PHF3: variants seen among roughly 807,000 people sequenced by gnomAD.
PHF3 encodes the protein PHD finger protein 3.
A neutral mutation model predicts 178.4 loss-of-function variants in PHF3; 41 were observed. That is an observed-to-expected ratio of 0.23 (90% CI 0.18 to 0.30). PHF3 has a LOEUF of 0.30. Ranked by LOEUF, PHF3 falls within the 10% of genes least tolerant of loss-of-function variation. The pLI, the probability that PHF3 is intolerant of heterozygous loss-of-function variation, is 1.00. For synonymous variants in PHF3, 842 were observed against 800.5 expected (o/e 1.05, Z -0.88); for missense variants, 2,346 against 2,398.1 (o/e 0.98, Z 0.45).
Position 63,716,514 on chromosome 6 carries a change from TC to T in PHF3, c.*2807del, listed in dbSNP as rs1377450163. 6.6e-6 allele frequency among the ~76,000 whole-genome samples: 1 copy of T among 152,122 alleles called. No individual in the cohort carries two copies. The highest frequency in any genetic ancestry group is 2.4e-5 in the African/African-American group (1 of 41,438). ...AAATCCTAATTCTCTATTCCTGTTT[TC>T]TATTGCTGTTGTGATGAATTACTAC... On this transcript the variant is annotated 3_prime_UTR_variant, in exon 16 of 16. Transcript: ENST00000262043.
rs1039076047 is a variant in PHF3, at chr6:63,691,831, A to C, written c.2284A>C (p.Lys762Gln). The change falls in exon 5 of 16, where the codon AAA (lysine) becomes CAA (glutamine). Residue 762 changes from lysine to glutamine, a missense_variant. Physicochemically the swap from Lys to Gln is moderately conservative, Grantham distance 53. Coordinates refer to ENST00000262043, the MANE Select transcript of PHF3 (RefSeq NM_001370348.2). Reference protein sequence around the residue: ...SQAQQMGEEDKEYVCVKCCAE... With the variant: ...SQAQQMGEEDQEYVCVKCCAE... ...AGCACAGCAGATGGGCGAGGAAGAC[A>C]AAGAATATGTCTGTGTAAAATGTTG... 40 of 1,613,754 alleles carry C rather than the reference A, an allele frequency of 2.5e-5. No homozygotes were observed. The highest frequency in any genetic ancestry group is 3.4e-5 in the Non-Finnish European group (40 of 1,179,880).
intron 4 of PHF3, chr6:63,686,133 C>G (rs1476349051): frequency 2.0e-6 from 1 of 495,508 alleles, no homozygotes; most frequent in African/African-American, 2.0e-5. Context: ...GTCTGGCCAA[C>G]AGCTGACATA....
In PHF3 at chr6:63,712,687, A is replaced by G; in HGVS notation, c.5099A>G (p.Lys1700Arg). ...ACAGAACAAATCAATGTAGAGGAAA[A>G]GTTGTGTTCTGCAGAGAAAAACTCG... ...HLTEQINVEE[K>R]LCSAEKNSCV... Residue 1700 changes from lysine (K) to arginine (R), a missense_variant, in exon 16 of 16, where the codon AAG becomes AGG. Coordinates refer to ENST00000262043, the MANE Select transcript of PHF3 (RefSeq NM_001370348.2). 1 of 1,613,986 alleles carries G rather than the reference A, an allele frequency of 6.2e-7. No homozygotes were observed. Among genetic ancestry groups the G allele is most frequent in the Non-Finnish European group, 8.5e-7 (1 of 1,179,958 alleles).
Position 63,680,179 on chromosome 6 carries a change from G to A in PHF3, c.406+18G>A, listed in dbSNP as rs1450742777. ...GGCACAAGGTAATCCTTTGAGAGAGGTCTAGCTAGAAAATTAGAGGTATAG... is the reference window on the plus strand; with the variant it reads ...GGCACAAGGTAATCCTTTGAGAGAGATCTAGCTAGAAAATTAGAGGTATAG... On this transcript the variant is annotated intron_variant, in intron 3 of 15. Coordinates refer to ENST00000262043, the MANE Select transcript of PHF3 (RefSeq NM_001370348.2). 1.3e-6 allele frequency: 2 copies of A among 1,574,794 alleles called. No homozygotes were observed. Among genetic ancestry groups the A allele is most frequent in the East Asian group, 2.2e-5 (1 of 44,628 alleles).
At position 63,718,091 on chromosome 6, in the gene PHF3, C is replaced by G. The variant is rs1198040; in HGVS notation, c.*4383C>G. Among the ~76,000 whole-genome samples, 151,878 of 152,094 alleles carry G rather than the reference C, an allele frequency of 1. 75,832 individuals carry two copies. Among genetic ancestry groups the G allele is most frequent in the Middle Eastern group, 1 (294 of 294 alleles). Reference sequence around the variant, plus strand: ...AGTGTTGATTTGTTACATGAACTTTCCAGGATTTTAAGGTGAAAAATATAT... The same window carrying G: ...AGTGTTGATTTGTTACATGAACTTTGCAGGATTTTAAGGTGAAAAATATAT... On this transcript the variant is annotated 3_prime_UTR_variant, in exon 16 of 16. Transcript: ENST00000262043.
At chr6:63,708,106 A>G (rs1051911493) in intron 13 of PHF3, among the ~76,000 whole-genome samples, 1 of 152,060 alleles carries the variant, frequency 6.6e-6, no homozygotes, top group Non-Finnish European at 1.5e-5. Context: ...CCCTCAAGTG[A>G]TCTGCTTGCC....
At chr6:63,709,950 C>T in intron 14 of PHF3, among the ~76,000 whole-genome samples, 1 of 152,164 alleles carries the variant, frequency 6.6e-6, no homozygotes, top group East Asian at 1.9e-4. Context: ...AATATTACTA[C>T]AGAGGAAAAT....
At chr6:63,643,294 C>T (rs1445932038) in intron 1 of PHF3, among the ~76,000 whole-genome samples, 1 of 152,094 alleles carries the variant, frequency 6.6e-6, no homozygotes, top group Non-Finnish European at 1.5e-5. Context: ...GTATCTGAAA[C>T]TGATTTTTAA....
intron 1 of PHF3, among the ~76,000 whole-genome samples, chr6:63,642,224 C>T (rs575664143): frequency 3.7e-4 from 56 of 152,298 alleles, no homozygotes; most frequent in African/African-American, 1.3e-3. Flanking sequence ...ACATGCTGTT[C>T]CCTTTGCCTA....
At chr6:63,644,859 T>C (rs1224703448) in intron 1 of PHF3, among the ~76,000 whole-genome samples, 1 of 151,748 alleles carries the variant, frequency 6.6e-6, no homozygotes, top group Non-Finnish European at 1.5e-5. Context: ...TCCCTATTCG[T>C]GGCCCCAGGC....
chr6:63,670,458 T>C (rs1765867169), intron 2 of PHF3, among the ~76,000 whole-genome samples: 1 of 151,958 alleles, frequency 6.6e-6, no homozygotes, highest in Non-Finnish European at 1.5e-5. Flanking sequence ...TTAGTAGAGA[T>C]GGGGTTTCAC....
At chr6:63,674,353 AAC>A (rs1766074269) in intron 2 of PHF3, among the ~76,000 whole-genome samples, 1 of 44,796 alleles carries the variant, frequency 2.2e-5, no homozygotes, top group South Asian at 6.6e-4. Flanking sequence ...CAACTCAGTG[AAC>A]CTGTGTTTTA....
At chr6:63,708,530 T>C (rs1033746258) in intron 13 of PHF3, among the ~76,000 whole-genome samples, 1 of 152,218 alleles carries the variant, frequency 6.6e-6, no homozygotes, top group African/African-American at 2.4e-5. Flanking sequence ...ATAAACTAAA[T>C]TGAATTTAAT....
chr6:63,702,551 G>GGCCA lies in PHF3; in HGVS notation c.3144_3147dup (p.Ile1050AlafsTer8). The GGCCA allele has an allele frequency of 6.2e-7, 1 of 1,612,300 alleles. No individual in the cohort carries two copies. Among genetic ancestry groups the GGCCA allele is most frequent in the African/African-American group, 1.3e-5 (1 of 74,970 alleles). On this transcript the variant is annotated frameshift_variant, in exon 10 of 16. Coordinates refer to ENST00000262043, the MANE Select transcript of PHF3 (RefSeq NM_001370348.2). LOFTEE classifies it high-confidence loss of function. ...AAAGAGCAGAGAGAAGTGGAACGAC[G>GGCCA]GCCAATCACCAAAATAACTCATAAA...
In PHF3 at chr6:63,716,092, C is replaced by T. The variant is rs1000239438; in HGVS notation, c.*2384C>T. Among the ~76,000 whole-genome samples, 1 of 152,120 alleles carries T rather than the reference C, an allele frequency of 6.6e-6. No homozygotes were observed. Among genetic ancestry groups the T allele is most frequent in the Non-Finnish European group, 1.5e-5 (1 of 68,012 alleles). Reference sequence around the variant, plus strand: ...GTAATCTTTGTGGCAATCAGAAAGCCTCCTTGAGCCCTCTGTAAGGCATCC... The same window carrying T: ...GTAATCTTTGTGGCAATCAGAAAGCTTCCTTGAGCCCTCTGTAAGGCATCC... On this transcript the variant is annotated 3_prime_UTR_variant, in exon 16 of 16. Transcript: ENST00000262043.
chr6:63,685,897 A>T lies in PHF3; in HGVS notation c.2175A>T (p.Lys725Asn). 6.2e-7 allele frequency: 1 copy of T among 1,611,078 alleles called. No homozygotes were observed. ...TPSKQCGFCKKPHGNRFMVGC... is the reference protein window; with the variant it reads ...TPSKQCGFCKNPHGNRFMVGC... Reference sequence around the variant, plus strand: ...GCAAGCAGTGTGGGTTTTGCAAAAAACCACATGGCAACAGGTGTGTGTGTA... The same window carrying T: ...GCAAGCAGTGTGGGTTTTGCAAAAATCCACATGGCAACAGGTGTGTGTGTA... Residue 725 changes from lysine to asparagine, a missense_variant, in exon 4 of 16, where the codon AAA (lysine) becomes AAT (asparagine). This residue lies in a region of PHF3 where 72 missense variants were observed against 110.5 expected (regional missense o/e 0.65). Transcript: ENST00000262043.
chr6:63,688,906 C>T (rs1423725863), intron 4 of PHF3, among the ~76,000 whole-genome samples: 1 of 152,170 alleles, frequency 6.6e-6, no homozygotes. Flanking sequence ...ACAGCTTTGC[C>T]TCTGTAAAGA....
intron 2 of PHF3, among the ~76,000 whole-genome samples, chr6:63,672,653 C>T (rs1294704244): frequency 3.3e-5 from 5 of 152,168 alleles, no homozygotes; most frequent in Admixed American, 2.6e-4. Context: ...AGGATATCTA[C>T]TGTTAAAGCA....
chr6:63,668,489 A>G (rs892861225), intron 2 of PHF3, among the ~76,000 whole-genome samples: 2 of 151,978 alleles, frequency 1.3e-5, no homozygotes, highest in African/African-American at 4.8e-5. Context: ...GTGTACCATC[A>G]TACCTGCTAA....
Sources: gnomAD v4.1 joint callset for allele counts (sites outside exome capture counted in the v4.1 genomes callset) on GRCh38, gnomAD v4.1.1 for gene constraint, gnomAD v4.1.1 regional missense constraint, MANE v1.5 for transcripts, NCBI Gene and HGNC (gene_info 2026-07-23, HGNC 2026-07-21) for gene names.